The following IPCEF1 variants were observed in gnomAD, a reference collection of about 807,000 sequenced individuals.
The protein encoded by IPCEF1 is interactor protein for cytohesin exchange factors 1.
Under a neutral mutation model 50.9 loss-of-function variants are expected in IPCEF1, and 31 were observed. The observed-to-expected ratio is 0.61, with a 90% CI of 0.46 to 0.82. The LOEUF is 0.82. Ranked by LOEUF, IPCEF1 falls within the 40% of genes least tolerant of loss-of-function variation. IPCEF1 has a pLI of 0.00. For synonymous variants in IPCEF1, 181 were observed against 192.0 expected, an observed-to-expected ratio of 0.94 and a Z score of 0.47; for missense variants, 458 against 514.0, an observed-to-expected ratio of 0.89 and a Z score of 1.05.
intron 10 of IPCEF1, among the ~76,000 whole-genome samples, chr6:154,184,811 T>C (rs1012042601): frequency 6.6e-6 from 1 of 152,212 alleles, no homozygotes; most frequent in Non-Finnish European, 1.5e-5. Context: ...AGTATCTTTC[T>C]AGATTGTTTG....
intron 1 of IPCEF1, among the ~76,000 whole-genome samples, chr6:154,346,571 G>A (rs575270364): frequency 2.6e-5 from 4 of 152,212 alleles, no homozygotes; most frequent in East Asian, 1.9e-4. Flanking sequence ...CCTGAGACTC[G>A]GTAATTTATA....
At chr6:154,296,839 A>G (rs1161590531) in intron 1 of IPCEF1, among the ~76,000 whole-genome samples, 1 of 149,534 alleles carries the variant, frequency 6.7e-6, no homozygotes, top group Non-Finnish European at 1.5e-5. Flanking sequence ...AAAAAAAAAA[A>G]AAAAGAAAAA....
chr6:154,176,515 C>G (rs749388023), intron 10 of IPCEF1, among the ~76,000 whole-genome samples: 3 of 152,116 alleles, frequency 2.0e-5, no homozygotes, highest in Non-Finnish European at 4.4e-5. Context: ...CACAAGCATT[C>G]CAATACACCA....
chr6:154,309,735 A>G lies in IPCEF1; in HGVS notation c.-61-19979T>C, dbSNP rs1410423109. Among the ~76,000 whole-genome samples the G allele has an allele frequency of 2.7e-5, 4 of 150,810 alleles. No individual in the cohort carries two copies. In the East Asian group the frequency reaches 5.8e-4, roughly 22 times the overall value. ...ACCTTAAAATAAAATTCTTTCCGCTAAAGCTATTTAGTCACTCTGCTTTTC... is the reference window on the plus strand; with the variant it reads ...ACCTTAAAATAAAATTCTTTCCGCTGAAGCTATTTAGTCACTCTGCTTTTC... On this transcript the variant is annotated intron_variant, in intron 1 of 11. Coordinates refer to ENST00000367220, the MANE Select transcript of IPCEF1 (RefSeq NM_001130700.2).
chr6:154,317,355 C>T (rs968360310), intron 1 of IPCEF1, among the ~76,000 whole-genome samples: 2 of 151,774 alleles, frequency 1.3e-5, no homozygotes, highest in African/African-American at 4.8e-5. Flanking sequence ...CGAGACCAGC[C>T]TGGCCAACAC....
Position 154,299,887 on chromosome 6 carries a change from TA to T in IPCEF1, c.-61-10132del, listed in dbSNP as rs201561354. Among the ~76,000 whole-genome samples, 45 of 133,818 alleles carry T rather than the reference TA, an allele frequency of 3.4e-4. 5 individuals carry two copies. Among genetic ancestry groups the T allele is most frequent in the East Asian group, 1.2e-3 (6 of 4,904 alleles). The allele number at this position is 133,818 out of a possible 152,430, so 87.8% of individuals were successfully genotyped here. A position where few individuals can be genotyped will look rare whatever the true frequency, so the allele number is the denominator to read the frequency against. ...AGAAAAAAGAAAGTAGTCTATGACTTAAAAAAAAAAACTTGGAAAACTGTGA... is the reference window on the plus strand; with the variant it reads ...AGAAAAAAGAAAGTAGTCTATGACTTAAAAAAAAAACTTGGAAAACTGTGA... On this transcript the variant is annotated intron_variant, in intron 1 of 11. Transcript: ENST00000367220.
intron 9 of IPCEF1, among the ~76,000 whole-genome samples, chr6:154,211,043 T>C (rs1004385415): frequency 1.3e-5 from 2 of 152,152 alleles, no homozygotes; most frequent in African/African-American, 4.8e-5. Flanking sequence ...AAAGGTCTGG[T>C]AAGTGAATGA....
At chr6:154,331,425 G>GAGAGAAAGAA (rs1783669432) in intron 1 of IPCEF1, among the ~76,000 whole-genome samples, 1 of 122,808 alleles carries the variant, frequency 8.1e-6, no homozygotes, top group African/African-American at 3.4e-5. Context: ...AAAAGAAAGA[G>GAGAGAAAGAA]AGAGAGAGAA....
At chr6:154,236,796 A>G (rs1452978974) in intron 5 of IPCEF1, among the ~76,000 whole-genome samples, 1 of 152,176 alleles carries the variant, frequency 6.6e-6, no homozygotes. Flanking sequence ...AAGGAGCCTC[A>G]GCATCAGGGT....
chr6:154,227,987 C>CA (rs11289794), intron 5 of IPCEF1, among the ~76,000 whole-genome samples: 7 of 150,020 alleles, frequency 4.7e-5, no homozygotes, highest in Non-Finnish European at 7.4e-5. Context: ...ATTTGACTTG[C>CA]AAAAAAAAAA....
intron 2 of IPCEF1, among the ~76,000 whole-genome samples, chr6:154,282,354 C>G (rs1176874057): frequency 6.6e-6 from 1 of 152,014 alleles, no homozygotes; most frequent in African/African-American, 2.4e-5. Context: ...ATCTCTTTCG[C>G]GGGACCAGAG....
intron 7 of IPCEF1, chr6:154,219,031 T>A (rs886683683): frequency 6.6e-6 from 1 of 152,122 alleles, no homozygotes. Flanking sequence ...TATCTACCCA[T>A]GCAACTCTAC....
At chr6:154,219,717 A>G (rs1298184296) in intron 7 of IPCEF1, among the ~76,000 whole-genome samples, 1 of 152,176 alleles carries the variant, frequency 6.6e-6, no homozygotes, top group East Asian at 1.9e-4. Context: ...TATTTTTCTC[A>G]GATGCTTAAG....
At chr6:154,309,128 AG>A (rs1456827145) in intron 1 of IPCEF1, among the ~76,000 whole-genome samples, 4 of 152,216 alleles carry the variant, frequency 2.6e-5, no homozygotes, top group African/African-American at 9.7e-5. Flanking sequence ...CTAAAAAAGA[AG>A]GGAAACTCAC....
chr6:154,251,973 G>A (rs1232324241), intron 3 of IPCEF1, among the ~76,000 whole-genome samples: 3 of 152,166 alleles, frequency 2.0e-5, no homozygotes, highest in African/African-American at 7.2e-5. Flanking sequence ...AACACAGTTA[G>A]AAATGTACAT....
chr6:154,310,334 C>A (rs1158273235), intron 1 of IPCEF1, among the ~76,000 whole-genome samples: 1 of 152,152 alleles, frequency 6.6e-6, no homozygotes, highest in Non-Finnish European at 1.5e-5. Context: ...CACCTCATAC[C>A]TGTTAGAATG....
intron 10 of IPCEF1, among the ~76,000 whole-genome samples, chr6:154,175,453 G>T (rs565926114): frequency 6.7e-6 from 1 of 148,242 alleles, no homozygotes; most frequent in Non-Finnish European, 1.5e-5. Flanking sequence ...GAAGAAAGAA[G>T]AATCAAATAG....
intron 6 of IPCEF1, among the ~76,000 whole-genome samples, chr6:154,221,585 T>C (rs1436238938): frequency 1.3e-5 from 2 of 152,124 alleles, no homozygotes; most frequent in Non-Finnish European, 2.9e-5. Context: ...TTAAAACATA[T>C]AGGTATGGCC....
intron 1 of IPCEF1, among the ~76,000 whole-genome samples, chr6:154,308,282 T>C (rs1782988054): frequency 6.6e-6 from 1 of 152,134 alleles, no homozygotes; most frequent in Non-Finnish European, 1.5e-5. Flanking sequence ...GCCCTGCTAA[T>C]TTTTGTATTT....
Sources: allele counts gnomAD v4.1 joint callset (sites outside exome capture counted in the v4.1 genomes callset), GRCh38; gene constraint gnomAD v4.1.1; transcripts MANE v1.5; gene names NCBI Gene and HGNC (gene_info 2026-07-23, HGNC 2026-07-21).